ADAMTS19: variants seen among roughly 807,000 people sequenced by gnomAD.
ADAMTS19 encodes the protein A disintegrin and metalloproteinase with thrombospondin motifs 19.
Under a neutral mutation model 153.3 loss-of-function variants are expected in ADAMTS19, and 93 were observed. The ratio of observed to expected loss-of-function variants is 0.61; its 90% confidence interval spans 0.51 to 0.72. The LOEUF (loss-of-function observed/expected upper bound fraction) is 0.72. Among genes scored for constraint, ADAMTS19 ranks in the 30% least tolerant of loss-of-function variants. The pLI is 0.00. For missense variants in ADAMTS19, 1,482 were observed against 1,552.1 expected, an observed-to-expected ratio of 0.95 and a Z score of 0.76; for synonymous variants, 600 against 556.6, an observed-to-expected ratio of 1.08 and a Z score of -1.10.
At chr5:129,557,901 C>T (rs1378599253) in intron 7 of ADAMTS19, among the ~76,000 whole-genome samples, 13 of 150,688 alleles carry the variant, frequency 8.6e-5, no homozygotes, top group Non-Finnish European at 7.4e-5. Context: ...TAACCAAGTA[C>T]GGTTATTTTA....
At chr5:129,476,083 G>A (rs1470719281) in intron 2 of ADAMTS19, among the ~76,000 whole-genome samples, 1 of 151,774 alleles carries the variant, frequency 6.6e-6, no homozygotes, top group Non-Finnish European at 1.5e-5. Context: ...TTTTGAATAC[G>A]CTGTTTATTT....
intron 2 of ADAMTS19, among the ~76,000 whole-genome samples, chr5:129,463,547 A>G (rs540187213): frequency 9.8e-5 from 15 of 152,314 alleles, no homozygotes; most frequent in African/African-American, 3.4e-4. Flanking sequence ...GAAAACTGCC[A>G]TTGCCAGTGT....
At position 129,520,482 on chromosome 5, in the gene ADAMTS19, A is replaced by G. The variant is rs547156351; in HGVS notation, c.914-5802A>G. 8.5e-5 allele frequency among the ~76,000 whole-genome samples: 13 copies of G among 152,316 alleles called. No individual in the cohort carries two copies. The South Asian group carries it at 1.2e-3, about 15-fold the overall frequency. ...AAAGACAAAAATATGGGAAGACACAATCTTCTTTGTGAAACCTAAGAGAGT... is the reference window on the plus strand; with the variant it reads ...AAAGACAAAAATATGGGAAGACACAGTCTTCTTTGTGAAACCTAAGAGAGT... On this transcript the variant is annotated intron_variant, in intron 3 of 22. Coordinates refer to ENST00000274487, the MANE Select transcript of ADAMTS19 (RefSeq NM_133638.6).
At position 129,495,473 on chromosome 5, in the gene ADAMTS19, G is replaced by A. The variant is rs138108869; in HGVS notation, c.748-13604G>A. On this transcript the variant is annotated intron_variant, in intron 2 of 22. Transcript: ENST00000274487. ...TGAGAATATTTGTCATATATTTGAA[G>A]CAGAAAAAGGTGCTTAAGATACAGA... Among the ~76,000 whole-genome samples, 153 of 152,150 alleles carry A rather than the reference G, an allele frequency of 1.0e-3. 1 individual carries two copies. In the South Asian group the frequency reaches 0.012, roughly 12 times the overall value.
chr5:129,559,585 C>T (rs1298377493), intron 7 of ADAMTS19, among the ~76,000 whole-genome samples: 3 of 152,082 alleles, frequency 2.0e-5, no homozygotes, highest in Non-Finnish European at 4.4e-5. Context: ...TTTTGGAGAA[C>T]TTTGGGCGGT....
intron 2 of ADAMTS19, among the ~76,000 whole-genome samples, chr5:129,469,561 A>G (rs554675745): frequency 1.8e-4 from 28 of 152,282 alleles, no homozygotes; most frequent in African/African-American, 6.5e-4. Flanking sequence ...AGAAATATCT[A>G]TATATGTGCA....
chr5:129,601,461 T>C (rs977355485), intron 8 of ADAMTS19, among the ~76,000 whole-genome samples: 1 of 152,194 alleles, frequency 6.6e-6, no homozygotes, highest in Non-Finnish European at 1.5e-5. Flanking sequence ...CCAAAACTTA[T>C]TAATATATTA....
Position 129,735,013 on chromosome 5 carries a change from T to G in ADAMTS19, c.3394T>G (p.Cys1132Gly). Residue 1132 changes from cysteine (C) to glycine (G), a missense_variant, in exon 22 of 23, where the codon TGT (cysteine) becomes GGT (glycine). Transcript: ENST00000274487. Reference protein sequence around the residue: ...HKITGRHGNECFSSEKPAAYR... With the variant: ...HKITGRHGNEGFSSEKPAAYR... ...GATCACAGGAAGACATGGAAATGAA[T>G]GTTTTTCCTCAGAAAAACCTGCAGC... 1.2e-6 allele frequency: 2 copies of G among 1,612,348 alleles called. No individual in the cohort carries two copies. The highest frequency in any genetic ancestry group is 1.7e-6 in the Non-Finnish European group (2 of 1,178,974).
At chr5:129,537,805 T>C (rs938519712) in intron 6 of ADAMTS19, among the ~76,000 whole-genome samples, 2 of 151,882 alleles carry the variant, frequency 1.3e-5, no homozygotes, top group Admixed American at 1.3e-4. Context: ...AGGGATAGCA[T>C]TAGGAGATAT....
chr5:129,720,071 T>C (rs1052909610), intron 21 of ADAMTS19, among the ~76,000 whole-genome samples: 3 of 151,256 alleles, frequency 2.0e-5, no homozygotes, highest in Non-Finnish European at 2.9e-5. Context: ...TATTTATCTT[T>C]TTTTCTTTTG....
At chr5:129,676,378 T>C (rs1251393119) in intron 16 of ADAMTS19, among the ~76,000 whole-genome samples, 7 of 152,190 alleles carry the variant, frequency 4.6e-5, no homozygotes, top group African/African-American at 1.4e-4. Flanking sequence ...ATTTCTTATA[T>C]GTAGCCTTTT....
intron 3 of ADAMTS19, among the ~76,000 whole-genome samples, chr5:129,519,464 C>T (rs992305474): frequency 1.3e-5 from 2 of 151,994 alleles, no homozygotes; most frequent in African/African-American, 4.8e-5. Context: ...GCCAGAACTC[C>T]CTTGGCCATC....
intron 16 of ADAMTS19, among the ~76,000 whole-genome samples, chr5:129,675,076 A>G (rs30656): frequency 0.72 from 109,191 of 152,002 alleles, 39,959 homozygotes; most frequent in Non-Finnish European, 0.8. Context: ...ATATTTTATC[A>G]TCTTCTGGCT....
At chr5:129,568,787 A>T (rs889203359) in intron 7 of ADAMTS19, among the ~76,000 whole-genome samples, 2 of 152,140 alleles carry the variant, frequency 1.3e-5, no homozygotes, top group Admixed American at 6.5e-5. Flanking sequence ...ACACCACTGT[A>T]CTCCAGCCTG....
At position 129,658,605 on chromosome 5, in the gene ADAMTS19, C is replaced by A. The variant is rs762386615; in HGVS notation, c.2305-12C>A. The A allele has an allele frequency of 5.0e-6, 8 of 1,609,604 alleles. No individual in the cohort carries two copies. The East Asian group carries it at 1.6e-4, about 31-fold the overall frequency. On this transcript the variant is annotated splice_polypyrimidine_tract_variant and intron_variant, in intron 14 of 22. Transcript: ENST00000274487. ...CTGCTATTTATGATGTGCTGTCACT[C>A]TCTTGTTACAGAAAGTTGGCTGTGA...
At chr5:129,574,515 G>C (rs1754032333) in intron 7 of ADAMTS19, among the ~76,000 whole-genome samples, 1 of 152,046 alleles carries the variant, frequency 6.6e-6, no homozygotes, top group Non-Finnish European at 1.5e-5. Flanking sequence ...TTATGAGTGA[G>C]AACATGCAAT....
intron 6 of ADAMTS19, among the ~76,000 whole-genome samples, chr5:129,533,892 T>C (rs1171802274): frequency 6.6e-6 from 1 of 152,158 alleles, no homozygotes; most frequent in Non-Finnish European, 1.5e-5. Context: ...AGTTTCCATG[T>C]AGTTGAGCGG....
rs1431461508 is a variant in ADAMTS19 at position 129,486,236 on chromosome 5, A to G, written c.748-22841A>G. ...AAAGGAGGGAACACTCCCTATTATT[A>G]CTTATGAGGCCAGAATTATTCTGAT... On this transcript the variant is annotated intron_variant, in intron 2 of 22. Transcript: ENST00000274487. 2.2e-4 allele frequency among the ~76,000 whole-genome samples: 34 copies of G among 152,216 alleles called. 1 individual carries two copies. The highest frequency in any genetic ancestry group is 2.2e-3 in the Admixed American group (34 of 15,262).
Position 129,701,372 on chromosome 5 carries a change from C to G in ADAMTS19, c.2955-16C>G, listed in dbSNP as rs141621546. The G allele has an allele frequency of 6.5e-5, 105 of 1,614,000 alleles. No homozygotes were observed. In the East Asian group the frequency reaches 2.3e-3, roughly 36 times the overall value. On this transcript the variant is annotated splice_polypyrimidine_tract_variant and intron_variant, in intron 19 of 22. Transcript: ENST00000274487. ...ATCTTTTAACTTGTTTCCAGTGACT[C>G]TTGCTTTACTTTCAGGTGGATGATG...
Sources: gnomAD v4.1 joint callset for allele counts (sites outside exome capture counted in the v4.1 genomes callset) on GRCh38, gnomAD v4.1.1 for gene constraint, MANE v1.5 for transcripts, NCBI Gene and HGNC (gene_info 2026-07-23, HGNC 2026-07-21) for gene names.